CXCL13: variants seen among roughly 807,000 people sequenced by gnomAD.
CXCL13 encodes C-X-C motif chemokine ligand 13.
CXCL13 carries 7 observed loss-of-function variants against 12.2 expected under a neutral mutation model. The observed-to-expected ratio is 0.57, with a 90% confidence interval of 0.33 to 1.07. The LOEUF is 1.07. Among genes scored for constraint, CXCL13 ranks in the 50% least tolerant of loss-of-function variants. The pLI, the probability that CXCL13 is intolerant of heterozygous loss-of-function variation, is 0.04. For synonymous variants in CXCL13, 47 were observed against 42.4 expected (o/e 1.11, Z -0.42); for missense variants, 113 against 127.4 (o/e 0.89, Z 0.55).
At chr4:77,527,930 TC>T (rs1037265225) in intron 1 of CXCL13, among the ~76,000 whole-genome samples, 3 of 151,746 alleles carry the variant, frequency 2.0e-5, no homozygotes, top group Admixed American at 1.3e-4. Flanking sequence ...CCCTCCCCTA[TC>T]CCCCCACCCC....
At chr4:77,525,459 G>A (rs1032186852) in intron 1 of CXCL13, among the ~76,000 whole-genome samples, 2 of 152,176 alleles carry the variant, frequency 1.3e-5, no homozygotes, top group Non-Finnish European at 2.9e-5. Context: ...ATGGGTAAAG[G>A]ATTTTGTTTT....
At chr4:77,566,578 C>T (rs913091544) in intron 1 of CXCL13, among the ~76,000 whole-genome samples, 3 of 151,862 alleles carry the variant, frequency 2.0e-5, no homozygotes, top group Non-Finnish European at 4.4e-5. Flanking sequence ...AAAAAAAAAT[C>T]CTTGAGGTGC....
intron 1 of CXCL13, among the ~76,000 whole-genome samples, chr4:77,532,275 G>C (rs190292379): frequency 3.3e-5 from 5 of 152,166 alleles, no homozygotes; most frequent in Admixed American, 6.5e-5. Flanking sequence ...TTGCTTGTCT[G>C]TAAAGTATTT....
At position 77,607,779 on chromosome 4, in the gene CXCL13, C is replaced by T. The variant is rs1727028273; in HGVS notation, c.141C>T (p.Phe47=). The T allele has an allele frequency of 6.2e-7, 1 of 1,613,898 alleles. No individual in the cohort carries two copies. The highest frequency in any genetic ancestry group is 1.3e-5 in the African/African-American group (1 of 74,920). Residue 47 remains phenylalanine (F), a synonymous_variant, in exon 2 of 4, where the codon TTC becomes TTT. Coordinates refer to ENST00000682537, the MANE Select transcript of CXCL13 (RefSeq NM_001371558.1). ...GCTCAGTCTTTATCCCTAGACGCTTCATTGATCGAATTCAAATCTTGCCCC... is the reference window on the plus strand; with the variant it reads ...GCTCAGTCTTTATCCCTAGACGCTTTATTGATCGAATTCAAATCTTGCCCC... ...QESSVFIPRR[F]IDRIQILPRG... is the part of the protein sequence containing the mutation.
intron 1 of CXCL13, among the ~76,000 whole-genome samples, chr4:77,573,371 T>C (rs1453952083): frequency 3.5e-5 from 4 of 112,724 alleles, no homozygotes; most frequent in African/African-American, 2.1e-4. Flanking sequence ...TTTGTGTGTG[T>C]GTGTGTGTGT....
intron 1 of CXCL13, among the ~76,000 whole-genome samples, chr4:77,543,074 G>A (rs907419009): frequency 1.3e-5 from 2 of 151,910 alleles, no homozygotes; most frequent in African/African-American, 4.8e-5. Context: ...TTCAATTTCT[G>A]CCTGATTCAA....
At chr4:77,534,778 A>G (rs1462405823) in intron 1 of CXCL13, among the ~76,000 whole-genome samples, 1 of 152,054 alleles carries the variant, frequency 6.6e-6, no homozygotes, top group Non-Finnish European at 1.5e-5. Flanking sequence ...ACACCTGCAA[A>G]ATGTTGGGGT....
At chr4:77,524,211 T>G (rs1267179026) in intron 1 of CXCL13, among the ~76,000 whole-genome samples, 1 of 152,208 alleles carries the variant, frequency 6.6e-6, no homozygotes, top group Non-Finnish European at 1.5e-5. Flanking sequence ...GGAGGTAGTC[T>G]GTCCATTCTC....
In CXCL13 at chr4:77,611,426, A is replaced by G. The variant is rs986797798; in HGVS notation, c.*387A>G. On this transcript the variant is annotated 3_prime_UTR_variant, in exon 4 of 4. Coordinates refer to ENST00000682537, the MANE Select transcript of CXCL13 (RefSeq NM_001371558.1). ...AATTAAGAAGAAAATTATGGCATAT[A>G]TTAAAAGCAGGCTTCTATGAAAGAC... 5.2e-6 allele frequency: 2 copies of G among 381,140 alleles called. No homozygotes were observed. Among genetic ancestry groups the G allele is most frequent in the African/African-American group, 4.1e-5 (2 of 48,330 alleles). 23.6% of individuals were successfully genotyped at this position (381,140 alleles called of 1,614,324 possible). A position where few individuals can be genotyped will look rare whatever the true frequency, so the allele number is the denominator to read the frequency against.
chr4:77,525,906 T>A (rs893776915), intron 1 of CXCL13, among the ~76,000 whole-genome samples: 7 of 138,064 alleles, frequency 5.1e-5, no homozygotes, highest in East Asian at 2.0e-4. Context: ...AGGCTTTTTT[T>A]AAATTGTGGG....
intron 1 of CXCL13, among the ~76,000 whole-genome samples, chr4:77,570,444 C>A (rs548786057): frequency 6.6e-6 from 1 of 152,296 alleles, no homozygotes; most frequent in East Asian, 1.9e-4. Flanking sequence ...AAAAAGTGGG[C>A]AAAGGGCTAG....
chr4:77,554,734 T>C (rs1440679851), intron 1 of CXCL13, among the ~76,000 whole-genome samples: 1 of 152,046 alleles, frequency 6.6e-6, no homozygotes, highest in Non-Finnish European at 1.5e-5. Context: ...ACTAAAACAA[T>C]ATAGACTGTG....
At chr4:77,561,205 G>A (rs538467561) in intron 1 of CXCL13, among the ~76,000 whole-genome samples, 1 of 152,234 alleles carries the variant, frequency 6.6e-6, no homozygotes, top group Non-Finnish European at 1.5e-5. Flanking sequence ...CAAAAAGTGT[G>A]GTCCATGGAC....
chr4:77,571,291 T>C (rs539653230), intron 1 of CXCL13, among the ~76,000 whole-genome samples: 3 of 151,890 alleles, frequency 2.0e-5, no homozygotes, highest in East Asian at 1.9e-4. Context: ...AGCTCAGGGA[T>C]TGTAAATACA....
chr4:77,527,914 T>G (rs562941110), intron 1 of CXCL13, among the ~76,000 whole-genome samples: 50 of 152,310 alleles, frequency 3.3e-4, no homozygotes, highest in Non-Finnish European at 6.3e-4. Context: ...TATCTCCTAA[T>G]GCTATCCCTC....
intron 1 of CXCL13, among the ~76,000 whole-genome samples, chr4:77,525,854 G>C (rs921882525): frequency 6.6e-6 from 1 of 151,798 alleles, no homozygotes; most frequent in African/African-American, 2.4e-5. Context: ...CAGCAGATGG[G>C]TGGGGAAATG....
intron 1 of CXCL13, among the ~76,000 whole-genome samples, chr4:77,552,434 A>T (rs995162605): frequency 7.2e-5 from 11 of 152,198 alleles, no homozygotes; most frequent in South Asian, 2.1e-4. Context: ...CATAGATGGC[A>T]CTTATGGGTA....
chr4:77,534,053 T>G (rs1687941003), intron 1 of CXCL13, among the ~76,000 whole-genome samples: 1 of 152,182 alleles, frequency 6.6e-6, no homozygotes, highest in South Asian at 2.1e-4. Flanking sequence ...GCACCCACTT[T>G]CCGACACTCC....
At chr4:77,588,998 T>C (rs992182115) in intron 1 of CXCL13, among the ~76,000 whole-genome samples, 5 of 152,232 alleles carry the variant, frequency 3.3e-5, no homozygotes, top group Non-Finnish European at 7.3e-5. Flanking sequence ...TCTAGATTTC[T>C]ATTTTAGGCC....
Sources: allele counts gnomAD v4.1 joint callset (sites outside exome capture counted in the v4.1 genomes callset), GRCh38; gene constraint gnomAD v4.1.1; transcripts MANE v1.5; gene names NCBI Gene and HGNC (gene_info 2026-07-23, HGNC 2026-07-21).